The following CMSS1 variants were observed in gnomAD, a reference collection of about 807,000 sequenced individuals.
The protein encoded by CMSS1 is protein CMSS1.
A neutral mutation model predicts 43.5 loss-of-function variants in CMSS1; 33 were observed. The ratio of observed to expected loss-of-function variants is 0.76; its 90% CI spans 0.57 to 1.01. The LOEUF (loss-of-function observed/expected upper bound fraction) is 1.01, where lower values mean the gene tolerates loss of function less well. Ranked by LOEUF, CMSS1 falls within the 50% of genes least tolerant of loss-of-function variation. The probability of loss-of-function intolerance (pLI) is 0.00; values close to 1 mark genes in which losing one functional copy is unlikely to be tolerated. For synonymous variants in CMSS1, 115 were observed against 117.2 expected (o/e 0.98, Z 0.12); for missense variants, 313 against 326.4 (o/e 0.96, Z 0.32).
intron 2 of CMSS1, among the ~76,000 whole-genome samples, chr3:100,156,915 G>A (rs1220515116): frequency 6.6e-6 from 1 of 151,988 alleles, no homozygotes; most frequent in Non-Finnish European, 1.5e-5. Flanking sequence ...ACGCCTGGCT[G>A]TTTTTTGTTG....
chr3:99,832,857 A>AAT (rs1942736323), intron 1 of CMSS1, among the ~76,000 whole-genome samples: 2 of 139,264 alleles, frequency 1.4e-5, no homozygotes, highest in Admixed American at 7.0e-5. Context: ...AAAAAAAAAA[A>AAT]GTTGTTTTTT....
chr3:100,059,222 G>T (rs932027155), intron 1 of CMSS1, among the ~76,000 whole-genome samples: 1 of 152,176 alleles, frequency 6.6e-6, no homozygotes, highest in Non-Finnish European at 1.5e-5. Context: ...TCCAGTTTCT[G>T]GGAAGCTATC....
intron 1 of CMSS1, among the ~76,000 whole-genome samples, chr3:99,819,903 C>A (rs532306513): frequency 6.7e-6 from 1 of 150,264 alleles, no homozygotes; most frequent in African/African-American, 2.4e-5. Context: ...TACAGGTGCC[C>A]GCCACCACAC....
chr3:100,107,960 G>A (rs1374448273), intron 1 of CMSS1, among the ~76,000 whole-genome samples: 7 of 151,112 alleles, frequency 4.6e-5, no homozygotes, highest in East Asian at 1.9e-4. Context: ...TTCTAACATC[G>A]GTCAAGAAAA....
chr3:100,115,587 C>T (rs1200087567), intron 1 of CMSS1, among the ~76,000 whole-genome samples: 1 of 47,308 alleles, frequency 2.1e-5, no homozygotes, highest in African/African-American at 8.1e-5. Flanking sequence ...CTCTCTCTCT[C>T]TCTCTCTCTC....
chr3:99,987,310 T>G (rs945444747), intron 1 of CMSS1, among the ~76,000 whole-genome samples: 1 of 151,420 alleles, frequency 6.6e-6, no homozygotes, highest in African/African-American at 2.4e-5. Context: ...GGGTGGATCA[T>G]TTGAGGTCAG....
At chr3:100,070,392 T>G (rs2065740980) in intron 1 of CMSS1, among the ~76,000 whole-genome samples, 1 of 152,218 alleles carries the variant, frequency 6.6e-6, no homozygotes, top group African/African-American at 2.4e-5. Flanking sequence ...AAAGAAAATT[T>G]TATACTAGTG....
chr3:99,927,737 T>C (rs1440654433), intron 1 of CMSS1, among the ~76,000 whole-genome samples: 4 of 152,200 alleles, frequency 2.6e-5, no homozygotes, highest in Non-Finnish European at 5.9e-5. Context: ...TTTTTAAAAT[T>C]AAGTTCTGAT....
chr3:99,841,682 A>G (rs1381425940), intron 1 of CMSS1, among the ~76,000 whole-genome samples: 7 of 152,262 alleles, frequency 4.6e-5, no homozygotes, highest in African/African-American at 1.7e-4. Context: ...GGACATGAAT[A>G]GACAATTCTC....
intron 2 of CMSS1, among the ~76,000 whole-genome samples, chr3:100,152,868 A>G (rs538876075): frequency 6.6e-6 from 1 of 152,258 alleles, no homozygotes; most frequent in East Asian, 1.9e-4. Flanking sequence ...CTCACCTTCC[A>G]TGTCTTCAAA....
At chr3:100,102,534 G>A (rs765619935) in intron 1 of CMSS1, among the ~76,000 whole-genome samples, 7 of 152,074 alleles carry the variant, frequency 4.6e-5, no homozygotes, top group South Asian at 4.1e-4. Flanking sequence ...TTATCTGTAC[G>A]TCTCTTGTAA....
At chr3:100,033,848 A>G (rs2065061879) in intron 1 of CMSS1, among the ~76,000 whole-genome samples, 1 of 152,196 alleles carries the variant, frequency 6.6e-6, no homozygotes, top group Non-Finnish European at 1.5e-5. Context: ...CAGAGGAAAC[A>G]ATATTATTTT....
intron 1 of CMSS1, among the ~76,000 whole-genome samples, chr3:99,960,551 G>T (rs1442062194): frequency 1.3e-5 from 2 of 152,162 alleles, no homozygotes. Flanking sequence ...CTCACCTCCT[G>T]TAGGTCTTGC....
Position 100,062,093 on chromosome 3 carries a change from C to CTTTTTTTTTTTTTTT in CMSS1, c.65-84858_65-84844dup, listed in dbSNP as rs71907944. On this transcript the variant is annotated intron_variant, in intron 1 of 9. Transcript: ENST00000421999. ...CCACTTGTGGTTATCCTGTCTTCTT[C>CTTTTTTTTTTTTTTT]TTTTTTTTTTTTTTTTTTTTTTTTT... Among the ~76,000 whole-genome samples, 101 of 53,184 alleles carry CTTTTTTTTTTTTTTT rather than the reference C, an allele frequency of 1.9e-3. 26 individuals are homozygous for CTTTTTTTTTTTTTTT. Among genetic ancestry groups the CTTTTTTTTTTTTTTT allele is most frequent in the African/African-American group, 4.0e-3 (45 of 11,246 alleles). 34.9% of individuals were successfully genotyped at this position (53,184 alleles called of 152,430 possible). A position where few individuals can be genotyped will look rare whatever the true frequency, so the allele number is the denominator to read the frequency against.
chr3:100,166,760 C>A (rs1490103859), intron 5 of CMSS1, among the ~76,000 whole-genome samples: 1 of 152,058 alleles, frequency 6.6e-6, no homozygotes, highest in East Asian at 1.9e-4. Flanking sequence ...TGGAGAGGGA[C>A]AGGGTCTCAC....
chr3:99,847,722 C>T (rs1576507089), intron 1 of CMSS1, among the ~76,000 whole-genome samples: 1 of 152,270 alleles, frequency 6.6e-6, no homozygotes, highest in Non-Finnish European at 1.5e-5. Context: ...TTATAGTTCA[C>T]TTTGAAATCA....
chr3:100,156,709 G>A lies in CMSS1; in HGVS notation c.154-3721G>A, dbSNP rs187810676. ...TGGCTCACTGCAAGCTCCGCTTCCCGGGTTCACTCCATTCTCCTGCCTCAG... is the reference window on the plus strand; with the variant it reads ...TGGCTCACTGCAAGCTCCGCTTCCCAGGTTCACTCCATTCTCCTGCCTCAG... On this transcript the variant is annotated intron_variant, in intron 2 of 9. Coordinates refer to ENST00000421999, the MANE Select transcript of CMSS1 (RefSeq NM_032359.4). Among the ~76,000 whole-genome samples, 891 of 151,344 alleles carry A rather than the reference G, an allele frequency of 5.9e-3. 10 individuals carry two copies. The highest frequency in any genetic ancestry group is 0.017 in the African/African-American group (683 of 41,232).
intron 2 of CMSS1, among the ~76,000 whole-genome samples, chr3:100,158,525 T>A (rs891678908): frequency 1.3e-5 from 2 of 152,192 alleles, no homozygotes; most frequent in African/African-American, 2.4e-5. Flanking sequence ...CTCCATAAAG[T>A]CATCTCACCT....
chr3:100,164,087 G>C (rs1457882730), intron 4 of CMSS1, among the ~76,000 whole-genome samples: 5 of 152,192 alleles, frequency 3.3e-5, no homozygotes, highest in Admixed American at 3.3e-4. Flanking sequence ...TTGCACATGA[G>C]CAGGATCTGG....
Sources: gnomAD v4.1 joint callset for allele counts (sites outside exome capture counted in the v4.1 genomes callset) on GRCh38, gnomAD v4.1.1 for gene constraint, MANE v1.5 for transcripts, NCBI Gene and HGNC (gene_info 2026-07-23, HGNC 2026-07-21) for gene names.